Variants in KPNA4 observed in about 807,000 individuals in gnomAD.
KPNA4 encodes karyopherin subunit alpha 4, also known as importin subunit alpha-3.
In KPNA4, 13 loss-of-function variants were observed where a neutral mutation model predicts 71.3. The observed-to-expected ratio is 0.18, with a 90% CI of 0.12 to 0.29. KPNA4 has a LOEUF of 0.29. Ranked by LOEUF, KPNA4 falls within the 10% of genes least tolerant of loss-of-function variation. KPNA4 has a pLI of 1.00. For missense variants in KPNA4, 334 were observed against 603.2 expected, an observed-to-expected ratio of 0.55 and a Z score of 4.67; for synonymous variants, 189 against 195.2, an observed-to-expected ratio of 0.97 and a Z score of 0.26.
At position 160,500,160 on chromosome 3, in the gene KPNA4, C is replaced by A. The variant is rs1032790629; in HGVS notation, c.*1944G>T. 2.0e-5 allele frequency: 3 copies of A among 152,330 alleles called. No homozygotes were observed. Among genetic ancestry groups the A allele is most frequent in the Admixed American group, 6.6e-5 (1 of 15,254 alleles). 9.4% of individuals were successfully genotyped at this position (152,330 alleles called of 1,614,324 possible). ...AAAATCCACACACCACACACACACA[C>A]CCCATGTAAAACATTGCTTTAAGTT... On this transcript the variant is annotated 3_prime_UTR_variant, in exon 17 of 17. Coordinates refer to ENST00000334256, the MANE Select transcript of KPNA4 (RefSeq NM_002268.5).
At chr3:160,547,868 C>A (rs1218125333) in intron 1 of KPNA4, among the ~76,000 whole-genome samples, 1 of 152,148 alleles carries the variant, frequency 6.6e-6, no homozygotes, top group African/African-American at 2.4e-5. Context: ...TTAAGATTCT[C>A]CATGTCTTTT....
chr3:160,505,918 C>G (rs747754591), intron 15 of KPNA4, among the ~76,000 whole-genome samples: 2 of 152,180 alleles, frequency 1.3e-5, no homozygotes, highest in African/African-American at 4.8e-5. Flanking sequence ...AAAACTCAAA[C>G]TGTCCAAAAC....
rs1374609703 is a variant in KPNA4 at position 160,499,657 on chromosome 3, AG to A, written c.*2446del. ...ACGATAAGGTAGTCCTTATACCCAG[AG>A]ATATTAATATCACCCTTACCTATTT... is the stretch of plus-strand genomic sequence containing the variant. On this transcript the variant is annotated 3_prime_UTR_variant, in exon 17 of 17. Transcript: ENST00000334256. 6.6e-6 allele frequency: 1 copy of A among 152,156 alleles called. No homozygotes were observed. Among genetic ancestry groups the A allele is most frequent in the African/African-American group, 2.4e-5 (1 of 41,436 alleles). 9.4% of individuals were successfully genotyped at this position (152,156 alleles called of 1,614,324 possible).
At chr3:160,558,769 T>A (rs573565339) in intron 1 of KPNA4, among the ~76,000 whole-genome samples, 2 of 152,132 alleles carry the variant, frequency 1.3e-5, no homozygotes, top group East Asian at 3.9e-4. Context: ...AAAAAAAAAA[T>A]TGTATTAACA....
chr3:160,527,152 G>A (rs1721476109), intron 8 of KPNA4, among the ~76,000 whole-genome samples: 1 of 152,114 alleles, frequency 6.6e-6, no homozygotes, highest in Non-Finnish European at 1.5e-5. Context: ...TCCTTCACTA[G>A]ATTAGCAATA....
rs767371082 is a variant in KPNA4, at chr3:160,502,202, T to C, written c.1468A>G (p.Ile490Val). The C allele has an allele frequency of 2.6e-6, 4 of 1,535,800 alleles. No homozygotes were observed. The highest frequency in any genetic ancestry group is 2.7e-6 in the Non-Finnish European group (3 of 1,127,864). ...IIDQFFSSDD[I>V]DEDPSLVPEA... Reference sequence around the variant, plus strand: ...GGAACAAGGCTAGGGTCTTCATCAATCTAGGTGAAAAAAAAGAAAAAGAAT... The same window carrying C: ...GGAACAAGGCTAGGGTCTTCATCAACCTAGGTGAAAAAAAAGAAAAAGAAT... Residue 490 changes from isoleucine to valine, a missense_variant and splice_region_variant, in exon 17 of 17, where the codon ATT (isoleucine) becomes GTT (valine). Physicochemically the swap from Ile to Val is conservative, Grantham distance 29. Coordinates refer to ENST00000334256, the MANE Select transcript of KPNA4 (RefSeq NM_002268.5).
intron 1 of KPNA4, among the ~76,000 whole-genome samples, chr3:160,556,498 G>A (rs1453980659): frequency 6.6e-6 from 1 of 152,022 alleles, no homozygotes; most frequent in Non-Finnish European, 1.5e-5. Flanking sequence ...TTTGTTTATT[G>A]GTCTTAATTA....
intron 13 of KPNA4, among the ~76,000 whole-genome samples, chr3:160,511,174 T>C (rs1577046855): frequency 1.3e-5 from 2 of 150,988 alleles, no homozygotes; most frequent in South Asian, 2.1e-4. Flanking sequence ...GGCGCAATCT[T>C]GGCTCACTGC....
chr3:160,509,722 T>G, intron 14 of KPNA4, 78 bp downstream of exon 14: 2 of 1,014,836 alleles, frequency 2.0e-6, no homozygotes, highest in Non-Finnish European at 1.6e-6. Context: ...AATTATAACT[T>G]ACTCAAATCT....
chr3:160,520,548 A>G (rs982336371), intron 11 of KPNA4, among the ~76,000 whole-genome samples: 2 of 151,948 alleles, frequency 1.3e-5, no homozygotes, highest in Admixed American at 6.6e-5. Flanking sequence ...GGCGTGAGCC[A>G]CCATGTCCAG....
chr3:160,527,604 T>C (rs1230138124), intron 8 of KPNA4, among the ~76,000 whole-genome samples: 1 of 152,090 alleles, frequency 6.6e-6, no homozygotes, highest in Non-Finnish European at 1.5e-5. Context: ...CTTTCTTTGA[T>C]GGAGAAAGCT....
At chr3:160,516,897 T>G (rs1721238023) in intron 11 of KPNA4, among the ~76,000 whole-genome samples, 1 of 152,114 alleles carries the variant, frequency 6.6e-6, no homozygotes. Context: ...GGTCATTTCC[T>G]GTTAAGTAAA....
intron 7 of KPNA4, among the ~76,000 whole-genome samples, chr3:160,530,099 C>T (rs1259692352): frequency 7.2e-6 from 1 of 139,456 alleles, no homozygotes; most frequent in East Asian, 2.1e-4. Flanking sequence ...CGCATCACTG[C>T]ACTCCAGCCT....
intron 7 of KPNA4, among the ~76,000 whole-genome samples, chr3:160,528,338 G>GA (rs929254280): frequency 7.5e-4 from 111 of 147,722 alleles, no homozygotes; most frequent in African/African-American, 2.2e-3. Context: ...TCTGTAGTTT[G>GA]AAAAAAAAAA....
Position 160,499,584 on chromosome 3 carries a change from G to GA in KPNA4, c.*2519dup, listed in dbSNP as rs1366915129. Reference sequence around the variant, plus strand: ...AAAGCCCTTCCCAGAATTTCTACTAGAAAATCAATGTTCTATATTAGGCTA... The same window carrying GA: ...AAAGCCCTTCCCAGAATTTCTACTAGAAAAATCAATGTTCTATATTAGGCTA... On this transcript the variant is annotated 3_prime_UTR_variant, in exon 17 of 17. Transcript: ENST00000334256. 1 of 151,564 alleles carries GA rather than the reference G, an allele frequency of 6.6e-6. No homozygotes were observed. The highest frequency in any genetic ancestry group is 1.5e-5 in the Non-Finnish European group (1 of 67,898). The allele number at this position is 151,564 out of a possible 1,614,324, so 9.4% of individuals were successfully genotyped here. A position where few individuals can be genotyped will look rare whatever the true frequency, so the allele number is the denominator to read the frequency against.
In KPNA4 at chr3:160,551,943, G is replaced by C. The variant is rs1047224297; in HGVS notation, c.69+13271C>G. 6.9e-5 allele frequency among the ~76,000 whole-genome samples: 10 copies of C among 144,932 alleles called. No individual in the cohort carries two copies. The East Asian group carries it at 1.4e-3, about 20-fold the overall frequency. ...ACTGTTCTTGGTTGTCACAACTGGG[G>C]GGGGGGGGGTGATGTGCTACTGACA... On this transcript the variant is annotated intron_variant, in intron 1 of 16. Coordinates refer to ENST00000334256, the MANE Select transcript of KPNA4 (RefSeq NM_002268.5).
At chr3:160,528,068 A>G (rs1299116814) in intron 7 of KPNA4, 29 bp from the exon 8 acceptor site, 1 of 1,554,742 alleles carries the variant, frequency 6.4e-7, no homozygotes. Context: ...ACAATACTTA[A>G]GGTTGAAGAT....
intron 1 of KPNA4, among the ~76,000 whole-genome samples, chr3:160,553,352 A>G (rs1347077297): frequency 2.0e-5 from 3 of 152,192 alleles, no homozygotes; most frequent in Non-Finnish European, 4.4e-5. Flanking sequence ...AGGAGTAAAA[A>G]CAATCTGCTT....
intron 1 of KPNA4, among the ~76,000 whole-genome samples, chr3:160,540,414 ACATAAGAC>A: frequency 6.6e-6 from 1 of 152,350 alleles, no homozygotes; most frequent in East Asian, 1.9e-4. Flanking sequence ...TGTAGTAACA[ACATAAGAC>A]CAGGCTATTA....
Sources: gnomAD v4.1 joint callset for allele counts (sites outside exome capture counted in the v4.1 genomes callset) on GRCh38, gnomAD v4.1.1 for gene constraint, MANE v1.5 for transcripts, NCBI Gene and HGNC (gene_info 2026-07-23, HGNC 2026-07-21) for gene names.